The following ERC2 variants were observed in gnomAD, a reference collection of about 807,000 sequenced individuals.
ERC2 encodes the protein ELKS/RAB6-interacting/CAST family member 2, also known as ERC protein 2.
ERC2 carries 42 observed loss-of-function variants against 114.8 expected under a neutral mutation model. That is an observed-to-expected ratio of 0.37 (90% CI 0.29 to 0.47). The LOEUF (loss-of-function observed/expected upper bound fraction) is 0.47. Ranked by LOEUF, ERC2 falls within the 20% of genes least tolerant of loss-of-function variation. The pLI is 0.99. For missense variants in ERC2, 939 were observed against 1,150.7 expected (o/e 0.82, Z 2.66); for synonymous variants, 454 against 425.5 (o/e 1.07, Z -0.82).
chr3:55,640,498 G>A (rs2060132038), intron 17 of ERC2, among the ~76,000 whole-genome samples: 1 of 152,208 alleles, frequency 6.6e-6, no homozygotes, highest in Non-Finnish European at 1.5e-5. Flanking sequence ...GCTGGCCAGT[G>A]CCATGTAGCA....
intron 2 of ERC2, among the ~76,000 whole-genome samples, chr3:56,382,499 A>G (rs2059789655): frequency 6.6e-6 from 1 of 152,142 alleles, no homozygotes; most frequent in African/African-American, 2.4e-5. Flanking sequence ...AGCAATATTG[A>G]TGTCATTAGT....
chr3:56,171,404 T>C (rs2082658715), intron 4 of ERC2, among the ~76,000 whole-genome samples: 1 of 152,188 alleles, frequency 6.6e-6, no homozygotes, highest in Non-Finnish European at 1.5e-5. Context: ...CAGAAGGCAG[T>C]GCTTTTGTAA....
chr3:56,391,793 A>G (rs2060138146), intron 2 of ERC2, among the ~76,000 whole-genome samples: 1 of 152,206 alleles, frequency 6.6e-6, no homozygotes, highest in Non-Finnish European at 1.5e-5. Context: ...GGGGAGAAAA[A>G]TGTGCCTGTA....
intron 13 of ERC2, among the ~76,000 whole-genome samples, chr3:55,895,101 G>C (rs1012848071): frequency 1.3e-5 from 2 of 152,190 alleles, no homozygotes; most frequent in African/African-American, 4.8e-5. Context: ...TCTAGAAGCA[G>C]TCAGATATGA....
intron 17 of ERC2, among the ~76,000 whole-genome samples, chr3:55,660,340 C>A (rs1050717912): frequency 6.6e-6 from 1 of 152,172 alleles, no homozygotes; most frequent in Admixed American, 6.5e-5. Flanking sequence ...ACTTCCACCC[C>A]TGGAATTGAG....
intron 12 of ERC2, among the ~76,000 whole-genome samples, chr3:55,972,076 A>G (rs1452616157): frequency 6.6e-6 from 1 of 152,094 alleles, no homozygotes; most frequent in Non-Finnish European, 1.5e-5. Context: ...CTATCATTCC[A>G]TCCATCCTTC....
At chr3:56,441,864 T>C (rs971050325) in intron 1 of ERC2, among the ~76,000 whole-genome samples, 5 of 152,118 alleles carry the variant, frequency 3.3e-5, no homozygotes, top group African/African-American at 1.2e-4. Flanking sequence ...GGATAAATTT[T>C]AAAAGAATTA....
chr3:55,836,514 T>C (rs984817781), intron 14 of ERC2, among the ~76,000 whole-genome samples: 1 of 152,230 alleles, frequency 6.6e-6, no homozygotes, highest in African/African-American at 2.4e-5. Flanking sequence ...AAGGATTCTC[T>C]ATTTAATAAA....
intron 17 of ERC2, among the ~76,000 whole-genome samples, chr3:55,520,214 A>T (rs984563903): frequency 1.5e-4 from 23 of 151,970 alleles, no homozygotes; most frequent in African/African-American, 5.6e-4. Flanking sequence ...GCACTTTGGG[A>T]GGGCAAGGGG....
At chr3:55,511,802 A>C (rs1054077010) in intron 17 of ERC2, among the ~76,000 whole-genome samples, 3 of 152,216 alleles carry the variant, frequency 2.0e-5, no homozygotes, top group African/African-American at 7.2e-5. Flanking sequence ...GCCCTGGGGA[A>C]CAGGTATCCA....
intron 3 of ERC2, among the ~76,000 whole-genome samples, chr3:56,215,577 A>C (rs1196114290): frequency 6.6e-6 from 1 of 152,238 alleles, no homozygotes; most frequent in African/African-American, 2.4e-5. Context: ...AACATTAGAC[A>C]GATCAATGGG....
chr3:55,516,770 T>C (rs1196626380), intron 17 of ERC2, among the ~76,000 whole-genome samples: 1 of 152,214 alleles, frequency 6.6e-6, no homozygotes, highest in Non-Finnish European at 1.5e-5. Flanking sequence ...TAGGATTTAT[T>C]TTTGTCATTA....
At chr3:56,116,007 T>C (rs2079211474) in intron 6 of ERC2, among the ~76,000 whole-genome samples, 1 of 152,174 alleles carries the variant, frequency 6.6e-6, no homozygotes, top group Admixed American at 6.5e-5. Flanking sequence ...GCCCCATCTC[T>C]TCTTTCCCTG....
At chr3:55,579,161 G>A (rs150602053) in intron 17 of ERC2, among the ~76,000 whole-genome samples, 118 of 152,292 alleles carry the variant, frequency 7.7e-4, no homozygotes, top group Non-Finnish European at 1.4e-3. Flanking sequence ...TAGGAATCCT[G>A]AAAATTGGGG....
intron 2 of ERC2, among the ~76,000 whole-genome samples, chr3:56,357,929 A>G (rs2058806645): frequency 6.6e-6 from 1 of 151,368 alleles, no homozygotes; most frequent in Admixed American, 6.6e-5. Flanking sequence ...TGCCACATCA[A>G]ACGACATCAT....
At chr3:56,033,151 G>C (rs1355032506) in intron 7 of ERC2, among the ~76,000 whole-genome samples, 1 of 152,076 alleles carries the variant, frequency 6.6e-6, no homozygotes, top group Non-Finnish European at 1.5e-5. Context: ...CAGCACTTTG[G>C]GAGGCCAAGA....
chr3:55,779,514 T>C (rs1481447232), intron 14 of ERC2, among the ~76,000 whole-genome samples: 2 of 149,834 alleles, frequency 1.3e-5, no homozygotes, highest in Non-Finnish European at 1.5e-5. Flanking sequence ...AAAAAAAAAG[T>C]TCTGGAAATA....
At chr3:56,269,863 C>T (rs2053545788) in intron 3 of ERC2, among the ~76,000 whole-genome samples, 1 of 152,122 alleles carries the variant, frequency 6.6e-6, no homozygotes, top group Non-Finnish European at 1.5e-5. Flanking sequence ...AGTGTTGACA[C>T]TTAAAGGGTG....
At chr3:56,195,702 C>A (rs904853216) in intron 3 of ERC2, among the ~76,000 whole-genome samples, 1 of 152,090 alleles carries the variant, frequency 6.6e-6, no homozygotes, top group Middle Eastern at 3.4e-3. Context: ...GGTGGTGTAC[C>A]TGTAGTCCCA....
Sources: gnomAD v4.1 joint callset for allele counts (sites outside exome capture counted in the v4.1 genomes callset) on GRCh38, gnomAD v4.1.1 for gene constraint, MANE v1.5 for transcripts, NCBI Gene and HGNC (gene_info 2026-07-23, HGNC 2026-07-21) for gene names.